KYAT3: variants seen among roughly 807,000 people sequenced by gnomAD.
KYAT3 encodes the protein kynurenine aminotransferase 3.
A neutral mutation model predicts 59.0 loss-of-function variants in KYAT3; 50 were observed. That is an observed-to-expected ratio of 0.85 (90% CI 0.68 to 1.07). The LOEUF (loss-of-function observed/expected upper bound fraction) is 1.07, where lower values mean the gene tolerates loss of function less well. Ranked by LOEUF, KYAT3 falls within the 50% of genes least tolerant of loss-of-function variation. KYAT3 has a pLI of 0.00. For synonymous variants in KYAT3, 148 were observed against 177.0 expected, an observed-to-expected ratio of 0.84 and a Z score of 1.30; for missense variants, 497 against 533.3, an observed-to-expected ratio of 0.93 and a Z score of 0.67.
At chr1:88,967,004 T>G (rs1676374271) in intron 4 of KYAT3, among the ~76,000 whole-genome samples, 1 of 152,144 alleles carries the variant, frequency 6.6e-6, no homozygotes, top group Non-Finnish European at 1.5e-5. Flanking sequence ...ATATTAAAAC[T>G]AATCCTGCAT....
chr1:88,927,486 G>A, the KYAT3 span, among the ~76,000 whole-genome samples: 5,443 of 152,208 alleles, frequency 0.036, 271 homozygotes, highest in African/African-American at 0.11. Flanking sequence ...TGGCAATTAT[G>A]TAAAAAGTGT....
At position 88,949,280 on chromosome 1, in the gene KYAT3, G is replaced by A. The variant is rs1347168585; in HGVS notation, c.955-3C>T. ...CAGAAAGCTTGAGCCAAGGCTTCCT[G>A]TTTGTTAAGAATCAAAAAATATGAA... On this transcript the variant is annotated splice_region_variant and splice_polypyrimidine_tract_variant and intron_variant, in intron 10 of 13. Coordinates refer to ENST00000260508, the MANE Select transcript of KYAT3 (RefSeq NM_001008661.3). 5.9e-6 allele frequency: 9 copies of A among 1,528,914 alleles called. No homozygotes were observed. The highest frequency in any genetic ancestry group is 7.9e-6 in the Non-Finnish European group (9 of 1,144,500). The allele number at this position is 1,528,914 out of a possible 1,614,324, so 94.7% of individuals were successfully genotyped here. A position where few individuals can be genotyped will look rare whatever the true frequency, so the allele number is the denominator to read the frequency against.
Position 88,969,398 on chromosome 1 carries a change from A to G in KYAT3, c.158+11T>C, listed in dbSNP as rs375345991. ...CCCTCACTAAATTATTATTTATTTT[A>G]AGATACTCACCACACATTACTATCA... On this transcript the variant is annotated intron_variant, in intron 3 of 13. Coordinates refer to ENST00000260508, the MANE Select transcript of KYAT3 (RefSeq NM_001008661.3). 2 of 1,501,790 alleles carry G rather than the reference A, an allele frequency of 1.3e-6. No individual in the cohort carries two copies. Among genetic ancestry groups the G allele is most frequent in the African/African-American group, 2.8e-5 (2 of 72,084 alleles). 93.0% of individuals were successfully genotyped at this position (1,501,790 alleles called of 1,614,324 possible).
At chr1:88,949,530 G>GT (rs1675591216) in intron 10 of KYAT3, among the ~76,000 whole-genome samples, 1 of 152,170 alleles carries the variant, frequency 6.6e-6, no homozygotes, top group East Asian at 1.9e-4. Flanking sequence ...AAAAAGAGCT[G>GT]TTACTTAAAG....
chr1:88,931,119 A>G (rs1239348071), downstream of KYAT3, among the ~76,000 whole-genome samples: 2 of 152,170 alleles, frequency 1.3e-5, no homozygotes. Flanking sequence ...AATTACTTAA[A>G]ACCCTTCACC....
chr1:88,934,783 A>G (rs568018020), downstream of KYAT3, among the ~76,000 whole-genome samples: 13 of 152,336 alleles, frequency 8.5e-5, no homozygotes, highest in African/African-American at 2.6e-4. Context: ...GGAGGATTCT[A>G]CAAACTACAA....
chr1:88,981,200 C>T (rs1677068714), intron 2 of KYAT3: 1 of 152,174 alleles, frequency 6.6e-6, no homozygotes. Flanking sequence ...TGTTACTTTC[C>T]AGATGTCACT....
rs142516891 is a variant in KYAT3, at chr1:88,953,971, C to T, written c.865-819G>A. On this transcript the variant is annotated intron_variant, in intron 9 of 13. Transcript: ENST00000260508. ...AGACTAGAGTGCAATGGCCGGATCTCGGCTCACTCAACCTCCGCCTCCCAG... is the reference window on the plus strand; with the variant it reads ...AGACTAGAGTGCAATGGCCGGATCTTGGCTCACTCAACCTCCGCCTCCCAG... 3.2e-3 allele frequency among the ~76,000 whole-genome samples: 482 copies of T among 151,018 alleles called. 5 individuals carry two copies. The highest frequency in any genetic ancestry group is 9.6e-3 in the African/African-American group (395 of 41,024).
rs74529840 is a variant in KYAT3, at chr1:88,983,992, T to C, written c.99+4260A>G. On this transcript the variant is annotated intron_variant, in intron 2 of 13. Coordinates refer to ENST00000260508, the MANE Select transcript of KYAT3 (RefSeq NM_001008661.3). Reference sequence around the variant, plus strand: ...CGCAATCTGGATGCTTTTTAAGGTATGGCTATCCATTCAAAAAACCAGGAA... The same window carrying C: ...CGCAATCTGGATGCTTTTTAAGGTACGGCTATCCATTCAAAAAACCAGGAA... 5.3e-3 allele frequency: 3,080 copies of C among 580,450 alleles called. 74 individuals are homozygous for C. The highest frequency in any genetic ancestry group is 0.042 in the Admixed American group (1,310 of 30,912). 36.0% of individuals were successfully genotyped at this position (580,450 alleles called of 1,614,324 possible). A position where few individuals can be genotyped will look rare whatever the true frequency, so the allele number is the denominator to read the frequency against.
chr1:88,991,900 ACTGC>A (rs1306111463), intron 1 of KYAT3, among the ~76,000 whole-genome samples: 3 of 152,050 alleles, frequency 2.0e-5, no homozygotes, highest in Non-Finnish European at 4.4e-5. Context: ...AAAGCAACAG[ACTGC>A]CTTTCTGTTT....
rs148773156 is a variant in KYAT3, at chr1:88,961,412, A to G, written c.635T>C (p.Ile212Thr). The G allele has an allele frequency of 7.3e-4, 1,183 of 1,613,980 alleles. 2 individuals are homozygous for G. Among genetic ancestry groups the G allele is most frequent in the South Asian group, 1.3e-3 (120 of 91,078 alleles). Residue 212 changes from isoleucine to threonine, a missense_variant, in exon 7 of 14, where the codon ATA becomes ACA. Ile to Thr is a moderately conservative substitution (Grantham distance 89). This residue lies in a region of KYAT3 where 469 missense variants were observed against 479.1 expected (regional missense o/e 0.98). Transcript: ENST00000260508. ...AAGTGGGTTATGTGGAGTATTTAGT[A>G]TAATAGCTTTGGTTTTGGAATTAAA... ...SKFNSKTKAI[I>T]LNTPHNPLGK...
chr1:88,992,656 T>C (rs1247361177), upstream of KYAT3: 1 of 152,726 alleles, frequency 6.5e-6, no homozygotes, highest in Non-Finnish European at 1.5e-5. Context: ...CTGGGCGGGA[T>C]TCGGACGCGG....
chr1:88,938,063 G>T (rs1455202560), intron 13 of KYAT3, among the ~76,000 whole-genome samples: 3 of 152,126 alleles, frequency 2.0e-5, no homozygotes, highest in Non-Finnish European at 4.4e-5. Flanking sequence ...TGATTTTGAG[G>T]GTTATATTGT....
At chr1:88,927,453 C>T in the KYAT3 span, among the ~76,000 whole-genome samples, 2 of 152,104 alleles carry the variant, frequency 1.3e-5, no homozygotes, top group Non-Finnish European at 2.9e-5. Context: ...TATGTGCAAA[C>T]TTTCTTTTCA....
intron 13 of KYAT3, among the ~76,000 whole-genome samples, chr1:88,941,419 A>T (rs1456312331): frequency 6.6e-6 from 1 of 152,204 alleles, no homozygotes; most frequent in African/African-American, 2.4e-5. Context: ...GGAACCTTTT[A>T]AAAAAGGAGA....
intron 9 of KYAT3, among the ~76,000 whole-genome samples, chr1:88,954,867 T>A (rs1345337289): frequency 6.6e-6 from 1 of 152,200 alleles, no homozygotes; most frequent in Non-Finnish European, 1.5e-5. Context: ...GCGCAAGTGA[T>A]CCTCCCATTT....
chr1:88,953,905 CTTTT>C (rs35781634), intron 9 of KYAT3, among the ~76,000 whole-genome samples: 2 of 141,204 alleles, frequency 1.4e-5, no homozygotes, highest in African/African-American at 2.6e-5. Context: ...TCTTCTTCTT[CTTTT>C]TTTTTTTTTT....
chr1:88,934,810 T>C (rs1027158589), downstream of KYAT3, among the ~76,000 whole-genome samples: 2 of 152,088 alleles, frequency 1.3e-5, no homozygotes, highest in African/African-American at 4.8e-5. Context: ...TGATCAAACT[T>C]TCATGTGTGT....
At chr1:88,921,979 A>C in the KYAT3 span, among the ~76,000 whole-genome samples, 2 of 152,232 alleles carry the variant, frequency 1.3e-5, no homozygotes, top group Non-Finnish European at 2.9e-5. Flanking sequence ...CCAGAATAAC[A>C]TTTTATCATA....
Sources: allele counts gnomAD v4.1 joint callset (sites outside exome capture counted in the v4.1 genomes callset), GRCh38; gene constraint gnomAD v4.1.1; regional missense constraint gnomAD v4.1.1; transcripts MANE v1.5; gene names NCBI Gene and HGNC (gene_info 2026-07-23, HGNC 2026-07-21).